Variants in DIP2C observed in about 807,000 individuals in gnomAD.
The protein encoded by DIP2C is DIP2 acetate--CoA ligase C (putative).
Under a neutral mutation model 192.4 loss-of-function variants are expected in DIP2C, and 33 were observed. The ratio of observed to expected loss-of-function variants is 0.17; its 90% CI spans 0.13 to 0.23. The LOEUF is 0.23. Among genes scored for constraint, DIP2C ranks in the 10% least tolerant of loss-of-function variants. The probability of loss-of-function intolerance (pLI) is 1.00; values close to 1 mark genes in which losing one functional copy is unlikely to be tolerated. For missense variants in DIP2C, 1,537 were observed against 2,110.1 expected, an observed-to-expected ratio of 0.73 and a Z score of 5.32; for synonymous variants, 979 against 864.1, an observed-to-expected ratio of 1.13 and a Z score of -2.33.
At chr10:614,787 G>T (rs188553743) in intron 1 of DIP2C, among the ~76,000 whole-genome samples, 41 of 152,370 alleles carry the variant, frequency 2.7e-4, no homozygotes, top group African/African-American at 9.6e-4. Context: ...CGGCTCCAGG[G>T]AGTAGGTATG....
At chr10:648,630 G>T (rs1236493362) in intron 1 of DIP2C, among the ~76,000 whole-genome samples, 6 of 146,764 alleles carry the variant, frequency 4.1e-5, no homozygotes, top group African/African-American at 1.5e-4. Flanking sequence ...AGAACAGAGG[G>T]AAACTGAGTC....
At chr10:293,098 C>T (rs1344723434) in intron 32 of DIP2C, among the ~76,000 whole-genome samples, 2 of 152,258 alleles carry the variant, frequency 1.3e-5, no homozygotes, top group African/African-American at 2.4e-5. Flanking sequence ...CTGACCAATG[C>T]CCTGGGGTGG....
At chr10:317,120 T>C (rs1020967380) in intron 31 of DIP2C, among the ~76,000 whole-genome samples, 7 of 152,206 alleles carry the variant, frequency 4.6e-5, no homozygotes, top group Admixed American at 1.3e-4. Flanking sequence ...AGCTTGTTTC[T>C]ATGGTTGGCA....
intron 2 of DIP2C, among the ~76,000 whole-genome samples, chr10:483,816 T>C (rs1362967401): frequency 6.6e-6 from 1 of 151,762 alleles, no homozygotes; most frequent in East Asian, 1.9e-4. Context: ...TGACTTCATT[T>C]TACCAATTTT....
chr10:626,031 G>A (rs1188020732), intron 1 of DIP2C, among the ~76,000 whole-genome samples: 2 of 152,182 alleles, frequency 1.3e-5, no homozygotes, highest in East Asian at 1.9e-4. Context: ...CACATACGAA[G>A]CTATTTACAA....
At chr10:587,176 C>T (rs1851106703) in intron 1 of DIP2C, among the ~76,000 whole-genome samples, 1 of 145,442 alleles carries the variant, frequency 6.9e-6, no homozygotes. Flanking sequence ...GACAGTGTGG[C>T]GAGGGGCAAA....
At chr10:463,885 G>A (rs1969990725) in intron 3 of DIP2C, among the ~76,000 whole-genome samples, 1 of 152,288 alleles carries the variant, frequency 6.6e-6, no homozygotes, top group Non-Finnish European at 1.5e-5. Flanking sequence ...CAAAAAGCAA[G>A]CAATGGGGAA....
At chr10:653,789 T>G (rs1856105612) in intron 1 of DIP2C, among the ~76,000 whole-genome samples, 1 of 152,214 alleles carries the variant, frequency 6.6e-6, no homozygotes, top group Non-Finnish European at 1.5e-5. Flanking sequence ...GCAAGGCTGG[T>G]GACTCGAACA....
Position 651,513 on chromosome 10 carries a change from A to G in DIP2C, c.85+37981T>C, listed in dbSNP as rs1461914193. 1.7e-5 allele frequency: 9 copies of G among 533,872 alleles called. No individual in the cohort carries two copies. The highest frequency in any genetic ancestry group is 3.1e-5 in the Non-Finnish European group (9 of 289,194). The allele number at this position is 533,872 out of a possible 1,614,324, so 33.1% of individuals were successfully genotyped here. ...TTATATGAAAATCCGTATCCACGTG[A>G]AGGTATTATGCAAAAAAAGCTTAAC... On this transcript the variant is annotated intron_variant, in intron 1 of 36. Coordinates refer to ENST00000280886, the MANE Select transcript of DIP2C (RefSeq NM_014974.3). The surrounding 1 kb of genome is among the most constrained non-coding windows in gnomAD (Gnocchi z 4.1).
In DIP2C at chr10:541,663, G is replaced by A. The variant is rs571358479; in HGVS notation, c.86-55133C>T. Among the ~76,000 whole-genome samples the A allele has an allele frequency of 8.8e-5, 10 of 113,688 alleles. No homozygotes were observed. The East Asian group carries it at 1.1e-3, about 13-fold the overall frequency. 74.6% of individuals were successfully genotyped at this position (113,688 alleles called of 152,430 possible). A position where few individuals can be genotyped will look rare whatever the true frequency, so the allele number is the denominator to read the frequency against. On this transcript the variant is annotated intron_variant, in intron 1 of 36. Coordinates refer to ENST00000280886, the MANE Select transcript of DIP2C (RefSeq NM_014974.3). ...CGTGACCCTCCACCCGACCACACCC[G>A]TCTCTCCTGGAACCCCAAGAGTGAC...
intron 3 of DIP2C, among the ~76,000 whole-genome samples, chr10:465,622 T>A (rs1400281606): frequency 3.3e-5 from 5 of 152,108 alleles, no homozygotes; most frequent in Non-Finnish European, 7.4e-5. Flanking sequence ...ACAACATGAT[T>A]GTTTATCTAG....
intron 1 of DIP2C, among the ~76,000 whole-genome samples, chr10:583,530 G>A (rs890412352): frequency 4.6e-5 from 7 of 152,192 alleles, no homozygotes; most frequent in Non-Finnish European, 1.0e-4. Flanking sequence ...GTCAGGAGAG[G>A]GGCGGCTCAG....
At chr10:579,535 G>C (rs968198194) in intron 1 of DIP2C, among the ~76,000 whole-genome samples, 7 of 151,944 alleles carry the variant, frequency 4.6e-5, no homozygotes, top group Non-Finnish European at 5.9e-5. Context: ...CACACATCCA[G>C]ATCCATAAAG....
intron 27 of DIP2C, 23 bp downstream of exon 27, chr10:344,976 C>T: frequency 6.2e-7 from 1 of 1,609,472 alleles, no homozygotes; most frequent in Non-Finnish European, 8.5e-7. Flanking sequence ...GAGCAAACCA[C>T]CTTCTGCAGC....
intron 8 of DIP2C, among the ~76,000 whole-genome samples, chr10:413,445 A>G (rs987221855): frequency 2.0e-5 from 3 of 152,246 alleles, no homozygotes; most frequent in Non-Finnish European, 2.9e-5. Flanking sequence ...TAAATCACAC[A>G]TGTATTTAAG....
chr10:507,351 C>T (rs1006715280), intron 1 of DIP2C, among the ~76,000 whole-genome samples: 1 of 151,642 alleles, frequency 6.6e-6, no homozygotes, highest in African/African-American at 2.4e-5. Context: ...CCTGGTCACC[C>T]GCTGTGTCCA....
intron 13 of DIP2C, among the ~76,000 whole-genome samples, chr10:389,371 C>T (rs1963271120): frequency 6.6e-6 from 1 of 152,144 alleles, no homozygotes; most frequent in South Asian, 2.1e-4. Context: ...GTGGTTGCCA[C>T]AGTTCCCTCC....
At chr10:456,385 A>G (rs1300491730) in intron 3 of DIP2C, among the ~76,000 whole-genome samples, 2 of 143,102 alleles carry the variant, frequency 1.4e-5, no homozygotes, top group African/African-American at 2.8e-5. Flanking sequence ...AACACTCTGC[A>G]GTGAGTCCCT....
intron 25 of DIP2C, 57 bp from the exon 26 acceptor site, chr10:348,819 C>G: frequency 2.5e-6 from 4 of 1,592,096 alleles, no homozygotes; most frequent in Non-Finnish European, 2.6e-6. Flanking sequence ...AGTGCACACT[C>G]TCCCTGTCAG....
Sources: gnomAD v4.1 joint callset for allele counts (sites outside exome capture counted in the v4.1 genomes callset) on GRCh38, gnomAD v4.1.1 for gene constraint, Gnocchi (gnomAD v3.1) non-coding constraint, MANE v1.5 for transcripts, NCBI Gene and HGNC (gene_info 2026-07-23, HGNC 2026-07-21) for gene names.